STK36: variants seen among roughly 807,000 people sequenced by gnomAD.
STK36 encodes serine/threonine-protein kinase 36.
In STK36, 116 loss-of-function variants were observed where a neutral mutation model predicts 142.2. The ratio of observed to expected loss-of-function variants is 0.82; its 90% CI spans 0.70 to 0.95. STK36 has a LOEUF of 0.95. STK36 is among the 40% of genes least tolerant of loss of function. The pLI is 0.00. For synonymous variants in STK36, 619 were observed against 641.7 expected, an observed-to-expected ratio of 0.96 and a Z score of 0.53; for missense variants, 1,422 against 1,617.2, an observed-to-expected ratio of 0.88 and a Z score of 2.07.
intron 2 of STK36, chr2:218,673,163 T>C: frequency 2.1e-6 from 1 of 465,798 alleles, no homozygotes; most frequent in Non-Finnish European, 3.9e-6. Context: ...ATCTCTAGAA[T>C]GGGGATAAGA....
rs1376401583 is a variant in STK36, at chr2:218,679,409, C to T, written c.778+148C>T. The T allele has an allele frequency of 3.9e-6, 5 of 1,266,718 alleles. No homozygotes were observed. The African/African-American group carries it at 6.0e-5, about 15-fold the overall frequency. 78.5% of individuals were successfully genotyped at this position (1,266,718 alleles called of 1,614,324 possible). A position where few individuals can be genotyped will look rare whatever the true frequency, so the allele number is the denominator to read the frequency against. ...TTCCTAGCCCTTCACTTAACCTTTG[C>T]CACTTCCCTTACAACCCACTCTCTC... On this transcript the variant is annotated intron_variant, in intron 7 of 26. Coordinates refer to ENST00000295709, the MANE Select transcript of STK36 (RefSeq NM_015690.5).
chr2:218,699,121 G>C lies in STK36; in HGVS notation c.3577G>C (p.Ala1193Pro). ...AGPLGPALAA[A>P]VPSMTQLLGD... is the part of the protein sequence containing the mutation. ...TCCTCTGGGACCTGCCCTGGCAGCT[G>C]CAGTGCCCAGTATGACCCAGCTGCT... The change falls in exon 26 of 27, where the codon GCA (alanine) becomes CCA (proline). Residue 1193 changes from alanine (A) to proline (P), a missense_variant. Transcript: ENST00000295709. 1 of 1,614,118 alleles carries C rather than the reference G, an allele frequency of 6.2e-7. No individual in the cohort carries two copies. Among genetic ancestry groups the C allele is most frequent in the Non-Finnish European group, 8.5e-7 (1 of 1,180,026 alleles).
At chr2:218,683,709 A>G (rs1262958292) in intron 10 of STK36, among the ~76,000 whole-genome samples, 5 of 152,128 alleles carry the variant, frequency 3.3e-5, no homozygotes, top group African/African-American at 1.2e-4. Flanking sequence ...AGCATTAGGT[A>G]TATCTCCCAG....
At chr2:218,685,383 A>G (rs1298531682) in intron 11 of STK36, among the ~76,000 whole-genome samples, 155 bp downstream of exon 11, 2 of 152,184 alleles carry the variant, frequency 1.3e-5, no homozygotes, top group Non-Finnish European at 2.9e-5. Flanking sequence ...CTCCTTTAGT[A>G]ACACAGAAAG....
intron 11 of STK36, among the ~76,000 whole-genome samples, chr2:218,688,090 A>G (rs1224596872): frequency 6.6e-6 from 1 of 152,188 alleles, no homozygotes; most frequent in Non-Finnish European, 1.5e-5. Context: ...CCCAGGAGGC[A>G]GAGAGGTTGC....
chr2:218,672,762 T>G lies in STK36; in HGVS notation c.-68T>G, dbSNP rs1278059073. The G allele has an allele frequency of 1.3e-6, 2 of 1,518,508 alleles. No individual in the cohort carries two copies. The highest frequency in any genetic ancestry group is 1.8e-6 in the Non-Finnish European group (2 of 1,096,228). The allele number at this position is 1,518,508 out of a possible 1,614,324, so 94.1% of individuals were successfully genotyped here. Reference sequence around the variant, plus strand: ...CTAGGCGTCCCAGATGTTGTGGAACTGTCCCTGGATCTATAGCTCTTCACC... The same window carrying G: ...CTAGGCGTCCCAGATGTTGTGGAACGGTCCCTGGATCTATAGCTCTTCACC... On this transcript the variant is annotated 5_prime_UTR_variant, in exon 2 of 27. Transcript: ENST00000295709.
chr2:218,693,867 G>T (rs1575139346), intron 18 of STK36, 28 bp from the exon 19 acceptor site: 1 of 1,614,200 alleles, frequency 6.2e-7, no homozygotes, highest in Non-Finnish European at 8.5e-7. Context: ...GCCAGAGGTT[G>T]TTCTGATATC....
rs1311264853 is a variant in STK36 at position 218,692,568 on chromosome 2, T to C, written c.1916-15T>C. The C allele has an allele frequency of 6.2e-7, 1 of 1,606,322 alleles. No homozygotes were observed. Among genetic ancestry groups the C allele is most frequent in the Non-Finnish European group, 8.5e-7 (1 of 1,177,616 alleles). ...GCCTCAGGCCTTTGGAGTTACTCTTTGCTTTTCTCCACAGGAGCCCCGCAA... is the reference window on the plus strand; with the variant it reads ...GCCTCAGGCCTTTGGAGTTACTCTTCGCTTTTCTCCACAGGAGCCCCGCAA... On this transcript the variant is annotated splice_polypyrimidine_tract_variant and intron_variant, in intron 15 of 26. Coordinates refer to ENST00000295709, the MANE Select transcript of STK36 (RefSeq NM_015690.5).
intron 6 of STK36, 57 bp from the exon 7 acceptor site, chr2:218,679,111 G>A: frequency 6.5e-7 from 1 of 1,530,544 alleles, no homozygotes; most frequent in Non-Finnish European, 9.0e-7. Flanking sequence ...TCTGCTGATA[G>A]AGAGAGACTT....
rs76218004 is a variant in STK36 at position 218,694,122 on chromosome 2, A to G, written c.2336+139A>G. ...AGAGCGTGAAGCTTTCTCTACAAAG[A>G]ACAGACCTAGACTCCCATCAACTTT... On this transcript the variant is annotated intron_variant, in intron 19 of 26. Transcript: ENST00000295709. This position sits in a 1 kb window ranked among gnomAD's most constrained non-coding sequence, Gnocchi z 4.4. The G allele has an allele frequency of 2.6e-3, 3,096 of 1,174,962 alleles. 71 individuals are homozygous for G. In the African/African-American group the frequency reaches 0.042, roughly 16 times the overall value. 72.8% of individuals were successfully genotyped at this position (1,174,962 alleles called of 1,614,324 possible).
chr2:218,694,075 T>C lies in STK36; in HGVS notation c.2336+92T>C. ...ATGGGGAATGGTACCCTACAGCATA[T>C]CCTTAGGAGGAATTGGGATAGAGAG... is the stretch of plus-strand genomic sequence containing the variant. On this transcript the variant is annotated intron_variant, in intron 19 of 26. Transcript: ENST00000295709. This position sits in a 1 kb window ranked among gnomAD's most constrained non-coding sequence, Gnocchi z 4.4. 1.5e-6 allele frequency: 2 copies of C among 1,349,126 alleles called. No individual in the cohort carries two copies. Among genetic ancestry groups the C allele is most frequent in the Non-Finnish European group, 2.1e-6 (2 of 942,760 alleles). 83.6% of individuals were successfully genotyped at this position (1,349,126 alleles called of 1,614,324 possible).
At chr2:218,681,992 A>G (rs1940542716) in intron 10 of STK36, among the ~76,000 whole-genome samples, 1 of 152,182 alleles carries the variant, frequency 6.6e-6, no homozygotes, top group African/African-American at 2.4e-5. Flanking sequence ...CAACGGCACG[A>G]TCTTGGCTCA....
chr2:218,702,179 T>C lies in STK36; in HGVS notation c.*170T>C. On this transcript the variant is annotated 3_prime_UTR_variant, in exon 27 of 27. Transcript: ENST00000295709. The stretch of plus-strand genomic sequence containing the variant: ...ATTTATATATAAAGCTTCTTCCTTC[T>C]CCCAGATGCAGGATGTTTTCAACCA... The C allele has an allele frequency of 1.3e-6, 1 of 783,668 alleles. No homozygotes were observed. The highest frequency in any genetic ancestry group is 1.9e-6 in the Non-Finnish European group (1 of 536,034). 48.5% of individuals were successfully genotyped at this position (783,668 alleles called of 1,614,324 possible).
At chr2:218,673,002 A>G (rs1239643379) in intron 2 of STK36, 89 bp downstream of exon 2, 19 of 1,208,896 alleles carry the variant, frequency 1.6e-5, no homozygotes, top group Non-Finnish European at 2.2e-5. Context: ...TATTTATACC[A>G]GTTTGTATTC....
intron 21 of STK36, among the ~76,000 whole-genome samples, chr2:218,696,300 A>G (rs577765733): frequency 6.6e-6 from 1 of 152,346 alleles, no homozygotes; most frequent in African/African-American, 2.4e-5. Flanking sequence ...TAGTGATAGC[A>G]CTAACACTCA....
chr2:218,676,515 G>T (rs1473333217), intron 6 of STK36, among the ~76,000 whole-genome samples: 1 of 152,104 alleles, frequency 6.6e-6, no homozygotes, highest in African/African-American at 2.4e-5. Flanking sequence ...GGATGGCTGG[G>T]GAAGCCTCAG....
chr2:218,675,965 G>A, intron 5 of STK36, 64 bp from the exon 6 acceptor site: 2 of 1,592,584 alleles, frequency 1.3e-6, no homozygotes, highest in Non-Finnish European at 1.7e-6. Flanking sequence ...CTCTATGTTA[G>A]GTAGTAGTGA....
intron 11 of STK36, among the ~76,000 whole-genome samples, chr2:218,686,958 T>C (rs992171431): frequency 1.3e-5 from 2 of 152,262 alleles, no homozygotes; most frequent in African/African-American, 2.4e-5. Context: ...CTATAGCCAT[T>C]CTAGTAAGTG....
chr2:218,673,940 A>G lies in STK36; in HGVS notation c.287A>G (p.Lys96Arg). Residue 96 changes from lysine to arginine, a missense_variant, in exon 4 of 27, where the codon AAA (lysine) becomes AGA (arginine). By Grantham distance (26) the Lys-to-Arg change is conservative (BLOSUM62 2). Coordinates refer to ENST00000295709, the MANE Select transcript of STK36 (RefSeq NM_015690.5). ...ELFQILEDDG[K>R]LPEDQVQAIA... Reference sequence around the variant, plus strand: ...TTTCAGATCCTAGAAGATGACGGAAAACTTCCTGAAGACCAGGTATGCTTT... The same window carrying G: ...TTTCAGATCCTAGAAGATGACGGAAGACTTCCTGAAGACCAGGTATGCTTT... 6.2e-7 allele frequency: 1 copy of G among 1,614,020 alleles called. No homozygotes were observed. Among genetic ancestry groups the G allele is most frequent in the Non-Finnish European group, 8.5e-7 (1 of 1,179,990 alleles).
Sources: gnomAD v4.1 joint callset for allele counts (sites outside exome capture counted in the v4.1 genomes callset) on GRCh38, gnomAD v4.1.1 for gene constraint, Gnocchi (gnomAD v3.1) non-coding constraint, MANE v1.5 for transcripts, NCBI Gene and HGNC (gene_info 2026-07-23, HGNC 2026-07-21) for gene names.